Variants in UBE2G1 observed in about 807,000 individuals in gnomAD.
UBE2G1 encodes ubiquitin conjugating enzyme E2 G1.
In UBE2G1, 5 loss-of-function variants were observed where a neutral mutation model predicts 22.7. That is an observed-to-expected ratio of 0.22 (90% CI 0.12 to 0.46). UBE2G1 has a LOEUF of 0.46. Ranked by LOEUF, UBE2G1 falls within the 20% of genes least tolerant of loss-of-function variation. The pLI, the probability that UBE2G1 is intolerant of heterozygous loss-of-function variation, is 0.99. For missense variants in UBE2G1, 88 were observed against 203.9 expected, an observed-to-expected ratio of 0.43 and a Z score of 3.46; for synonymous variants, 74 against 67.5, an observed-to-expected ratio of 1.10 and a Z score of -0.47.
At chr17:4,315,996 T>C (rs1969366273) in intron 1 of UBE2G1, among the ~76,000 whole-genome samples, 1 of 151,492 alleles carries the variant, frequency 6.6e-6, no homozygotes, top group Non-Finnish European at 1.5e-5. Flanking sequence ...TATATGTTTT[T>C]AGTAGAGACG....
chr17:4,350,828 C>T (rs923848854), intron 1 of UBE2G1, among the ~76,000 whole-genome samples: 1 of 151,664 alleles, frequency 6.6e-6, no homozygotes, highest in African/African-American at 2.4e-5. Context: ...GTCAGGAGGT[C>T]GAGACCATCC....
intron 1 of UBE2G1, among the ~76,000 whole-genome samples, chr17:4,344,056 C>T (rs1969741702): frequency 6.6e-6 from 1 of 152,172 alleles, no homozygotes; most frequent in Non-Finnish European, 1.5e-5. Flanking sequence ...GGTACTCCAA[C>T]AGGCTTCTAA....
chr17:4,308,119 C>T (rs942336693), intron 1 of UBE2G1, among the ~76,000 whole-genome samples: 7 of 152,046 alleles, frequency 4.6e-5, no homozygotes, highest in African/African-American at 9.7e-5. Context: ...TTTGGGAGGC[C>T]GAGGCAGGTG....
intron 4 of UBE2G1, among the ~76,000 whole-genome samples, chr17:4,287,371 G>C (rs1020397814): frequency 1.1e-4 from 17 of 151,916 alleles, no homozygotes; most frequent in African/African-American, 4.1e-4. Context: ...CAAACGGCTG[G>C]GATTACAGGT....
At position 4,307,068 on chromosome 17, in the gene UBE2G1, A is replaced by G. The variant is rs368988618; in HGVS notation, c.102T>C (p.Asp34=). 8.1e-6 allele frequency: 13 copies of G among 1,614,108 alleles called. No individual in the cohort carries two copies. The Admixed American group carries it at 2.0e-4, about 25-fold the overall frequency. The change falls in exon 2 of 6, where the codon GAT becomes GAC. Residue 34 remains aspartate (D), a synonymous_variant. Transcript: ENST00000396981. ...TAATAAGGACTTCCCATCGGTAGAG[A>G]TCATTGTCATCTATTAAACCTGCAG... The part of the protein sequence containing the change: ...GFSAGLIDDN[D]LYRWEVLIIG...
intron 5 of UBE2G1, among the ~76,000 whole-genome samples, chr17:4,273,076 T>A (rs1968779364): frequency 6.6e-6 from 1 of 152,180 alleles, no homozygotes; most frequent in African/African-American, 2.4e-5. Flanking sequence ...TGACCCTCCA[T>A]CCCAACCACA....
intron 2 of UBE2G1, among the ~76,000 whole-genome samples, chr17:4,298,199 C>T (rs950469855): frequency 6.6e-5 from 10 of 152,268 alleles, no homozygotes; most frequent in African/African-American, 2.4e-4. Flanking sequence ...GTGGCTCATG[C>T]CTGTAATTCT....
chr17:4,308,617 A>C (rs1212740573), intron 1 of UBE2G1, among the ~76,000 whole-genome samples: 1 of 152,248 alleles, frequency 6.6e-6, no homozygotes, highest in Non-Finnish European at 1.5e-5. Flanking sequence ...GAATGCATGT[A>C]TCAATCACCC....
intron 4 of UBE2G1, among the ~76,000 whole-genome samples, chr17:4,286,732 A>C (rs1466798687): frequency 6.6e-6 from 1 of 152,152 alleles, no homozygotes; most frequent in African/African-American, 2.4e-5. Flanking sequence ...GTTATTGGCT[A>C]TTAATTTACT....
intron 1 of UBE2G1, among the ~76,000 whole-genome samples, chr17:4,357,525 T>TGGGC (rs1291788944): frequency 2.2e-5 from 1 of 46,070 alleles, no homozygotes; most frequent in African/African-American, 6.9e-5. Context: ...GGGGGGTGGG[T>TGGGC]GTATAACTCT....
chr17:4,339,113 A>C (rs972821440), intron 1 of UBE2G1, among the ~76,000 whole-genome samples: 1 of 152,188 alleles, frequency 6.6e-6, no homozygotes, highest in African/African-American at 2.4e-5. Flanking sequence ...AGTAACAACG[A>C]ACGCTTTTTC....
At position 4,366,460 on chromosome 17, in the gene UBE2G1, G is replaced by A. The variant is rs1970037208; in HGVS notation, c.-144C>T. The A allele has an allele frequency of 1.3e-6, 1 of 763,578 alleles. No homozygotes were observed. The highest frequency in any genetic ancestry group is 3.5e-5 in the East Asian group (1 of 28,898). 47.3% of individuals were successfully genotyped at this position (763,578 alleles called of 1,614,324 possible). On this transcript the variant is annotated 5_prime_UTR_variant, in exon 1 of 6. Coordinates refer to ENST00000396981, the MANE Select transcript of UBE2G1 (RefSeq NM_003342.5). ...CCGAGGAAGGCCGGGCTGAGGCGGC[G>A]GGAGCGGCGCCTCGCTGCCGGTGCG...
At chr17:4,294,088 G>C (rs890748777) in intron 3 of UBE2G1, among the ~76,000 whole-genome samples, 2 of 152,122 alleles carry the variant, frequency 1.3e-5, no homozygotes, top group African/African-American at 4.8e-5. Flanking sequence ...ACAGCCTAAA[G>C]AATGAAGTTC....
intron 3 of UBE2G1, among the ~76,000 whole-genome samples, chr17:4,291,126 C>T (rs931536115): frequency 1.3e-5 from 2 of 152,038 alleles, no homozygotes; most frequent in African/African-American, 2.4e-5. Flanking sequence ...TTTGGGAGGC[C>T]GAGGAGGGCA....
At chr17:4,294,758 A>T (rs1376603505) in intron 3 of UBE2G1, among the ~76,000 whole-genome samples, 1 of 152,124 alleles carries the variant, frequency 6.6e-6, no homozygotes, top group African/African-American at 2.4e-5. Context: ...TTACAAAAAA[A>T]AACAAAAATT....
At chr17:4,342,460 G>C (rs751751240) in intron 1 of UBE2G1, among the ~76,000 whole-genome samples, 5 of 152,188 alleles carry the variant, frequency 3.3e-5, no homozygotes, top group Non-Finnish European at 5.9e-5. Context: ...AGGCGCAGTG[G>C]TGCATGCCTA....
At chr17:4,293,393 G>A (rs937482530) in intron 3 of UBE2G1, among the ~76,000 whole-genome samples, 1 of 152,030 alleles carries the variant, frequency 6.6e-6, no homozygotes, top group African/African-American at 2.4e-5. Flanking sequence ...TCCGTTATAT[G>A]GGTCCACATT....
At position 4,272,292 on chromosome 17, in the gene UBE2G1, T is replaced by G. The variant is rs916682702; in HGVS notation, c.*262A>C. 1 of 156,142 alleles carries G rather than the reference T, an allele frequency of 6.4e-6. No homozygotes were observed. The highest frequency in any genetic ancestry group is 2.4e-5 in the African/African-American group (1 of 41,494). 9.7% of individuals were successfully genotyped at this position (156,142 alleles called of 1,614,324 possible). On this transcript the variant is annotated 3_prime_UTR_variant, in exon 6 of 6. Coordinates refer to ENST00000396981, the MANE Select transcript of UBE2G1 (RefSeq NM_003342.5). The stretch of plus-strand genomic sequence containing the variant: ...ATATTATCCGGATCATGTTGTGCTA[T>G]GTACAGGTCTTTACAATTCTTCCTG...
intron 1 of UBE2G1, among the ~76,000 whole-genome samples, chr17:4,340,566 TTTCCCCGC>T (rs1343885529): frequency 1.3e-5 from 2 of 152,066 alleles, no homozygotes; most frequent in Admixed American, 1.3e-4. Context: ...ATAAGGTGCT[TTTCCCCGC>T]TTCGCACTGC....
Sources: allele counts gnomAD v4.1 joint callset (sites outside exome capture counted in the v4.1 genomes callset), GRCh38; gene constraint gnomAD v4.1.1; transcripts MANE v1.5; gene names NCBI Gene and HGNC (gene_info 2026-07-23, HGNC 2026-07-21).